Variants in TTC6 observed in about 807,000 individuals in gnomAD.
TTC6 encodes the protein tetratricopeptide repeat protein 6.
Under a neutral mutation model 210.4 loss-of-function variants are expected in TTC6, and 172 were observed. That is an observed-to-expected ratio of 0.82 (90% CI 0.72 to 0.93). The LOEUF (loss-of-function observed/expected upper bound fraction) is 0.93. TTC6 is among the 40% of genes least tolerant of loss of function. The probability of loss-of-function intolerance (pLI) is 0.00; values close to 1 mark genes in which losing one functional copy is unlikely to be tolerated. For synonymous variants in TTC6, 804 were observed against 819.6 expected (o/e 0.98, Z 0.32); for missense variants, 2,414 against 2,318.1 (o/e 1.04, Z -0.85).
intron 1 of TTC6, 48 bp downstream of exon 3, chr14:37,623,051 G>T (rs72674261): frequency 1.7e-5 from 23 of 1,344,234 alleles, no homozygotes; most frequent in Non-Finnish European, 2.2e-5. Flanking sequence ...TGCAATTTGG[G>T]TTACATTACA....
chr14:37,759,622 A>C (rs2095978132), intron 14 of TTC6, among the ~76,000 whole-genome samples: 1 of 152,084 alleles, frequency 6.6e-6, no homozygotes, highest in African/African-American at 2.4e-5. Flanking sequence ...TCTCCCTGTT[A>C]CTTCCAGGTA....
chr14:37,650,263 T>C (rs1457733205), intron 1 of TTC6, among the ~76,000 whole-genome samples: 1 of 152,198 alleles, frequency 6.6e-6, no homozygotes, highest in African/African-American at 2.4e-5. Context: ...TGCCCCAAGA[T>C]CTCACTGGGT....
intron 1 of TTC6, among the ~76,000 whole-genome samples, chr14:37,651,213 C>G (rs1566863908): frequency 6.6e-6 from 1 of 151,296 alleles, no homozygotes; most frequent in African/African-American, 2.4e-5. Context: ...TTCCCATACC[C>G]CTCTCTGCCC....
intron 26 of TTC6, among the ~76,000 whole-genome samples, chr14:37,819,408 T>G (rs1441305461): frequency 1.3e-5 from 2 of 152,142 alleles, no homozygotes; most frequent in African/African-American, 4.8e-5. Context: ...TAAATAAATT[T>G]TTAAATTTTA....
At chr14:37,634,321 G>A (rs2095675771) in intron 1 of TTC6, among the ~76,000 whole-genome samples, 1 of 152,086 alleles carries the variant, frequency 6.6e-6, no homozygotes. Context: ...TTTAGTACTG[G>A]AAAATATAAT....
chr14:37,639,885 TAA>T (rs571405717), intron 1 of TTC6, among the ~76,000 whole-genome samples: 44 of 128,782 alleles, frequency 3.4e-4, no homozygotes, highest in Non-Finnish European at 4.5e-4. Context: ...GACCCTGTCT[TAA>T]AAAAAAAAAA....
At chr14:37,683,579 A>G (rs191770472) in intron 3 of TTC6, among the ~76,000 whole-genome samples, 5 of 152,270 alleles carry the variant, frequency 3.3e-5, no homozygotes, top group Non-Finnish European at 7.4e-5. Context: ...GAGAGATAAC[A>G]TATTCACATA....
rs568790414 is a variant in TTC6, at chr14:37,792,333, T to C, written c.3627T>C (p.Ala1209=). 9 of 1,533,268 alleles carry C rather than the reference T, an allele frequency of 5.9e-6. No homozygotes were observed. In the African/African-American group the frequency reaches 1.2e-4, roughly 21 times the overall value. 95.0% of individuals were successfully genotyped at this position (1,533,268 alleles called of 1,614,324 possible). A position where few individuals can be genotyped will look rare whatever the true frequency, so the allele number is the denominator to read the frequency against. Residue 1209 remains alanine (A), a synonymous_variant, in exon 17 of 31, where the codon GCT becomes GCC. Coordinates refer to ENST00000553443, the Ensembl canonical transcript of TTC6. ...TACACCTGGATAACTACACGGAAGCTATTTGGCAATTTTCTGAGGCTATTA... is the reference window on the plus strand; with the variant it reads ...TACACCTGGATAACTACACGGAAGCCATTTGGCAATTTTCTGAGGCTATTA...
At chr14:37,717,467 T>A (rs558127913) in intron 6 of TTC6, among the ~76,000 whole-genome samples, 1 of 152,250 alleles carries the variant, frequency 6.6e-6, no homozygotes, top group East Asian at 1.9e-4. Context: ...GAAGAAATTC[T>A]CGAAAAACAC....
At chr14:37,733,703 A>G (rs1482898459) in intron 7 of TTC6, among the ~76,000 whole-genome samples, 1 of 151,798 alleles carries the variant, frequency 6.6e-6, no homozygotes, top group Non-Finnish European at 1.5e-5. Context: ...ATTTCTTTTT[A>G]TTTATCACAT....
chr14:37,748,917 A>T, intron 10 of TTC6, 22 bp from the exon 13 acceptor site: 2 of 1,425,380 alleles, frequency 1.4e-6, no homozygotes, highest in Non-Finnish European at 1.8e-6. Context: ...TAATTTAAAA[A>T]AATCACTCTT....
chr14:37,833,976 G>A (rs1476856977), intron 29 of TTC6, among the ~76,000 whole-genome samples: 1 of 152,122 alleles, frequency 6.6e-6, no homozygotes, highest in Admixed American at 6.5e-5. Flanking sequence ...TTGCCTAACA[G>A]TTCTTCCCCC....
In TTC6 at chr14:37,642,394, A is replaced by G. The variant is rs550541310; in HGVS notation, c.939+19391A>G. 2.6e-5 allele frequency among the ~76,000 whole-genome samples: 4 copies of G among 152,312 alleles called. No individual in the cohort carries two copies. In the East Asian group the frequency reaches 7.7e-4, roughly 29 times the overall value. On this transcript the variant is annotated intron_variant, in intron 1 of 30. Coordinates refer to ENST00000553443, the Ensembl canonical transcript of TTC6. Reference sequence around the variant, plus strand: ...GGTGGTGACATTTGCAATTGGTTATATGGTCACTAACCAGTTACATTCAGT... The same window carrying G: ...GGTGGTGACATTTGCAATTGGTTATGTGGTCACTAACCAGTTACATTCAGT...
intron 1 of TTC6, among the ~76,000 whole-genome samples, chr14:37,600,313 C>G (rs2095613189): frequency 6.6e-6 from 1 of 152,146 alleles, no homozygotes; most frequent in African/African-American, 2.4e-5. Flanking sequence ...CCATTCCTCT[C>G]CATCAGCAGA....
chr14:37,709,162 T>C (rs1335519988), intron 5 of TTC6, among the ~76,000 whole-genome samples: 1 of 152,066 alleles, frequency 6.6e-6, no homozygotes, highest in Admixed American at 6.6e-5. Context: ...TACATGGCCT[T>C]GTTCTTGCTG....
At chr14:37,676,012 G>A (rs1036727466) in intron 1 of TTC6, among the ~76,000 whole-genome samples, 2 of 152,040 alleles carry the variant, frequency 1.3e-5, no homozygotes, top group Admixed American at 1.3e-4. Context: ...CAGAGAGTTA[G>A]TGCTGTGACT....
At chr14:37,753,989 A>G (rs903195807) in intron 14 of TTC6, among the ~76,000 whole-genome samples, 1 of 151,844 alleles carries the variant, frequency 6.6e-6, no homozygotes, top group Non-Finnish European at 1.5e-5. Context: ...TTTAATCTAA[A>G]TTTTGTTTTG....
intron 29 of TTC6, among the ~76,000 whole-genome samples, chr14:37,838,307 C>G (rs1035998971): frequency 6.6e-6 from 1 of 152,090 alleles, no homozygotes; most frequent in African/African-American, 2.4e-5. Flanking sequence ...AAACAAATTG[C>G]TAGAAATGTG....
intron 28 of TTC6, among the ~76,000 whole-genome samples, 180 bp from the exon 31 acceptor site, chr14:37,827,016 G>A (rs1458857044): frequency 1.3e-5 from 2 of 151,992 alleles, no homozygotes; most frequent in Non-Finnish European, 2.9e-5. Context: ...ACAAAGTGTT[G>A]ACACTAAACC....
Sources: gnomAD v4.1 joint callset for allele counts (sites outside exome capture counted in the v4.1 genomes callset) on GRCh38, gnomAD v4.1.1 for gene constraint, MANE v1.5 for transcripts, NCBI Gene and HGNC (gene_info 2026-07-23, HGNC 2026-07-21) for gene names.